The following NEDD4L variants were observed in gnomAD, a reference collection of about 807,000 sequenced individuals.
NEDD4L encodes the protein NEDD4 like E3 ubiquitin protein ligase.
Under a neutral mutation model 148.9 loss-of-function variants are expected in NEDD4L, and 54 were observed. The ratio of observed to expected loss-of-function variants is 0.36; its 90% CI spans 0.29 to 0.45. The LOEUF (loss-of-function observed/expected upper bound fraction) is 0.45. Among genes scored for constraint, NEDD4L ranks in the 20% least tolerant of loss-of-function variants. The pLI is 1.00. For synonymous variants in NEDD4L, 433 were observed against 440.7 expected, an observed-to-expected ratio of 0.98 and a Z score of 0.22; for missense variants, 856 against 1,233.8, an observed-to-expected ratio of 0.69 and a Z score of 4.59.
rs2048631602 is a variant in NEDD4L at position 58,256,700 on chromosome 18, G to A, written c.297+4646G>A. On this transcript the variant is annotated intron_variant, in intron 5 of 30. Coordinates refer to ENST00000400345, the MANE Select transcript of NEDD4L (RefSeq NM_001144967.3). This position sits in a 1 kb window ranked among gnomAD's most constrained non-coding sequence, Gnocchi z 5.2. ...GCATTTTAGAATTCTTGTAACCCGG[G>A]GGCCGGAAGAAGCTCCCCAGAATCC... is the stretch of plus-strand genomic sequence containing the variant. 8.1e-7 allele frequency: 1 copy of A among 1,232,220 alleles called. No homozygotes were observed. The highest frequency in any genetic ancestry group is 3.2e-5 in the East Asian group (1 of 31,706). 76.3% of individuals were successfully genotyped at this position (1,232,220 alleles called of 1,614,324 possible).
chr18:58,387,384 A>AT lies in NEDD4L; in HGVS notation c.2488-43dup, dbSNP rs5825274. 11,627 of 1,230,958 alleles carry AT rather than the reference A, an allele frequency of 9.4e-3. 3 individuals are homozygous for AT. Among genetic ancestry groups the AT allele is most frequent in the South Asian group, 0.013 (813 of 60,676 alleles). 76.3% of individuals were successfully genotyped at this position (1,230,958 alleles called of 1,614,324 possible). ...CAGAAAAGTTTGTTTTTCCTGTGAA[A>AT]TTTTTTTTTTTTGAAGGCAATAGGT... On this transcript the variant is annotated intron_variant, in intron 26 of 30. Coordinates refer to ENST00000400345, the MANE Select transcript of NEDD4L (RefSeq NM_001144967.3).
At chr18:58,385,665 A>C in intron 26 of NEDD4L, 79 bp downstream of exon 26, 1 of 1,160,822 alleles carries the variant, frequency 8.6e-7, no homozygotes, top group Non-Finnish European at 1.3e-6. Context: ...TCCTTTAGCT[A>C]GTGTGGTGGA....
intron 28 of NEDD4L, among the ~76,000 whole-genome samples, chr18:58,389,742 TAAAA>T (rs61096183): frequency 7.1e-6 from 1 of 140,982 alleles, no homozygotes; most frequent in African/African-American, 2.6e-5. Context: ...TAAACAAACT[TAAAA>T]AAAAAAAAAC....
chr18:58,236,937 A>G (rs1600091437), intron 2 of NEDD4L, among the ~76,000 whole-genome samples: 1 of 152,008 alleles, frequency 6.6e-6, no homozygotes, highest in African/African-American at 2.4e-5. Flanking sequence ...GCAGGAGAAT[A>G]GCTTGAACCT....
rs568506761 is a variant in NEDD4L, at chr18:58,182,509, CTTT to C, written c.122+16668_122+16670del. 7.4e-4 allele frequency among the ~76,000 whole-genome samples: 82 copies of C among 111,428 alleles called. 1 individual carries two copies. The highest frequency in any genetic ancestry group is 3.2e-3 in the African/African-American group (78 of 24,556). The allele number at this position is 111,428 out of a possible 152,430, so 73.1% of individuals were successfully genotyped here. A position where few individuals can be genotyped will look rare whatever the true frequency, so the allele number is the denominator to read the frequency against. On this transcript the variant is annotated intron_variant, in intron 2 of 30. Transcript: ENST00000400345. ...TCTGTGGTGACCTGAGCATTGATACCTTTTTTTTTTTTTTTTTTTTTTGAGATG... is the reference window on the plus strand; with the variant it reads ...TCTGTGGTGACCTGAGCATTGATACCTTTTTTTTTTTTTTTTTTTGAGATG...
At chr18:58,386,005 C>A (rs1378369396) in intron 26 of NEDD4L, among the ~76,000 whole-genome samples, 1 of 151,746 alleles carries the variant, frequency 6.6e-6, no homozygotes, top group Non-Finnish European at 1.5e-5. Context: ...TGCCTGGCCA[C>A]CCCTCCCTCC....
chr18:58,203,159 T>G (rs951850432), intron 2 of NEDD4L, among the ~76,000 whole-genome samples: 2 of 152,086 alleles, frequency 1.3e-5, no homozygotes, highest in African/African-American at 4.8e-5. Flanking sequence ...TAGAGACGGA[T>G]TCTTACTGTG....
At chr18:58,219,889 TA>T (rs1021710618) in intron 2 of NEDD4L, among the ~76,000 whole-genome samples, 1 of 152,182 alleles carries the variant, frequency 6.6e-6, no homozygotes, top group Non-Finnish European at 1.5e-5. Flanking sequence ...AATAAATAAA[TA>T]AAAACTTGTT....
At chr18:58,044,762 C>T (rs2144328063) in intron 1 of NEDD4L, 54 bp downstream of exon 1, 45 of 1,585,034 alleles carry the variant, frequency 2.8e-5, no homozygotes, top group Non-Finnish European at 3.9e-5. Flanking sequence ...CTATCCCGCG[C>T]CGGCAGGGGG....
At chr18:58,330,693 C>A (rs1351948190) in intron 10 of NEDD4L, 45 bp from the exon 11 acceptor site, 8 of 1,407,646 alleles carry the variant, frequency 5.7e-6, no homozygotes, top group Middle Eastern at 1.9e-4. Flanking sequence ...TGGGTGGATC[C>A]CTACTTCTTT....
chr18:58,151,135 G>A (rs1387640590), intron 1 of NEDD4L, among the ~76,000 whole-genome samples: 6 of 152,140 alleles, frequency 3.9e-5, no homozygotes, highest in African/African-American at 1.4e-4. Flanking sequence ...CATTCCTCAG[G>A]TGCTCACTTA....
intron 2 of NEDD4L, among the ~76,000 whole-genome samples, chr18:58,227,635 G>A (rs770839820): frequency 6.6e-6 from 1 of 152,128 alleles, no homozygotes; most frequent in South Asian, 2.1e-4. Flanking sequence ...GATTAGCCTC[G>A]CGAAGTTCCT....
In NEDD4L at chr18:58,256,316, T is replaced by C. The variant is rs750309756; in HGVS notation, c.297+4262T>C. Reference sequence around the variant, plus strand: ...GGCCGCGGCAGAGCCCAGGCGCTGGTCCCTGCAGCACGTTCCAGATGCTTC... The same window carrying C: ...GGCCGCGGCAGAGCCCAGGCGCTGGCCCCTGCAGCACGTTCCAGATGCTTC... On this transcript the variant is annotated intron_variant, in intron 5 of 30. Coordinates refer to ENST00000400345, the MANE Select transcript of NEDD4L (RefSeq NM_001144967.3). This position sits in a 1 kb window ranked among gnomAD's most constrained non-coding sequence, Gnocchi z 5.2. 1.6e-6 allele frequency: 2 copies of C among 1,231,900 alleles called. No individual in the cohort carries two copies. The highest frequency in any genetic ancestry group is 2.0e-6 in the Non-Finnish European group (2 of 987,908). The allele number at this position is 1,231,900 out of a possible 1,614,324, so 76.3% of individuals were successfully genotyped here. A position where few individuals can be genotyped will look rare whatever the true frequency, so the allele number is the denominator to read the frequency against.
chr18:58,380,825 C>T (rs2146614018), intron 24 of NEDD4L, among the ~76,000 whole-genome samples: 1 of 152,284 alleles, frequency 6.6e-6, no homozygotes, highest in East Asian at 1.9e-4. Flanking sequence ...TGGAAACCAT[C>T]ATTTTCAGCA....
chr18:58,344,273 C>T (rs564866830), intron 16 of NEDD4L, among the ~76,000 whole-genome samples: 1 of 152,266 alleles, frequency 6.6e-6, no homozygotes, highest in East Asian at 1.9e-4. Flanking sequence ...CAGTTCAGTC[C>T]AGCAGGTCTA....
chr18:58,325,594 T>C (rs892198945), intron 9 of NEDD4L, among the ~76,000 whole-genome samples: 2 of 152,348 alleles, frequency 1.3e-5, no homozygotes, highest in Middle Eastern at 6.8e-3. Context: ...CTCTCTTCAA[T>C]GCATTGATTT....
At chr18:58,342,354 A>C (rs1161240625) in intron 15 of NEDD4L, among the ~76,000 whole-genome samples, 3 of 152,156 alleles carry the variant, frequency 2.0e-5, no homozygotes, top group Admixed American at 6.5e-5. Context: ...GAGAAGCCAA[A>C]GAGCAAATGT....
At chr18:58,067,305 T>C (rs1269718657) in intron 1 of NEDD4L, among the ~76,000 whole-genome samples, 1 of 152,242 alleles carries the variant, frequency 6.6e-6, no homozygotes, top group Non-Finnish European at 1.5e-5. Context: ...ATTTTGTCAG[T>C]GTACATACAT....
At chr18:58,091,776 T>C (rs2145306412) in intron 1 of NEDD4L, 1 of 152,380 alleles carries the variant, frequency 6.6e-6, no homozygotes. Flanking sequence ...TTAACTGCTG[T>C]GATCTGCACT....
Sources: allele counts gnomAD v4.1 joint callset (sites outside exome capture counted in the v4.1 genomes callset), GRCh38; gene constraint gnomAD v4.1.1; non-coding constraint Gnocchi (gnomAD v3.1); transcripts MANE v1.5; gene names NCBI Gene and HGNC (gene_info 2026-07-23, HGNC 2026-07-21).